TCERG1L: variants seen among roughly 807,000 people sequenced by gnomAD.
TCERG1L encodes the protein transcription elongation regulator 1-like protein.
A neutral mutation model predicts 56.3 loss-of-function variants in TCERG1L; 37 were observed. The ratio of observed to expected loss-of-function variants is 0.66; its 90% CI spans 0.51 to 0.87. TCERG1L has a LOEUF of 0.87. Among genes scored for constraint, TCERG1L ranks in the 40% least tolerant of loss-of-function variants. TCERG1L has a pLI of 0.00. For synonymous variants in TCERG1L, 324 were observed against 326.3 expected, an observed-to-expected ratio of 0.99 and a Z score of 0.08; for missense variants, 799 against 774.2, an observed-to-expected ratio of 1.03 and a Z score of -0.38.
At chr10:131,148,688 A>ATCACGGGCTGGAGAAAGGAT (rs1845829992) in intron 6 of TCERG1L, among the ~76,000 whole-genome samples, 1 of 152,178 alleles carries the variant, frequency 6.6e-6, no homozygotes, top group Admixed American at 6.5e-5. Flanking sequence ...GGAGAAAGGA[A>ATCACGGGCTGGAGAAAGGAT]TCACGAGCTC....
intron 9 of TCERG1L, among the ~76,000 whole-genome samples, 180 bp from the exon 10 acceptor site, chr10:131,104,534 C>A (rs891256295): frequency 6.6e-6 from 1 of 152,186 alleles, no homozygotes; most frequent in African/African-American, 2.4e-5. Context: ...AAAACCAATA[C>A]TAGAACATCA....
At chr10:131,204,355 C>G (rs556252425) in intron 4 of TCERG1L, among the ~76,000 whole-genome samples, 39 of 152,344 alleles carry the variant, frequency 2.6e-4, no homozygotes, top group African/African-American at 9.4e-4. Flanking sequence ...AGTGGGCTGG[C>G]CCGATGGCCC....
At chr10:131,241,632 T>C (rs1210736603) in intron 4 of TCERG1L, among the ~76,000 whole-genome samples, 2 of 149,584 alleles carry the variant, frequency 1.3e-5, no homozygotes, top group Non-Finnish European at 3.0e-5. Context: ...ACACAGTGGA[T>C]AGCGCAATAT....
At chr10:131,151,363 T>C (rs1845864590) in intron 6 of TCERG1L, among the ~76,000 whole-genome samples, 1 of 151,256 alleles carries the variant, frequency 6.6e-6, no homozygotes, top group South Asian at 2.1e-4. Flanking sequence ...CCATACTAAA[T>C]GGGAGAAATT....
At chr10:131,152,669 C>T (rs1845878351) in intron 6 of TCERG1L, among the ~76,000 whole-genome samples, 1 of 152,214 alleles carries the variant, frequency 6.6e-6, no homozygotes, top group African/African-American at 2.4e-5. Context: ...TATAGCAGCA[C>T]CCCACTCCTG....
intron 8 of TCERG1L, among the ~76,000 whole-genome samples, chr10:131,131,869 A>C (rs751270561): frequency 3.9e-5 from 6 of 152,236 alleles, no homozygotes; most frequent in Admixed American, 6.5e-5. Context: ...GCGCAGGTCC[A>C]AATGAACAGA....
intron 4 of TCERG1L, among the ~76,000 whole-genome samples, chr10:131,197,867 T>A (rs115801462): frequency 3.9e-5 from 6 of 152,174 alleles, no homozygotes; most frequent in Non-Finnish European, 7.3e-5. Context: ...ATCGAGGAAA[T>A]TGGCATAATC....
chr10:131,142,793 C>T (rs1845752937), intron 7 of TCERG1L, among the ~76,000 whole-genome samples: 3 of 152,166 alleles, frequency 2.0e-5, no homozygotes, highest in African/African-American at 7.2e-5. Context: ...AGATTCATGC[C>T]CCCCACCATT....
chr10:131,124,114 C>G (rs1933374605), intron 8 of TCERG1L, among the ~76,000 whole-genome samples: 1 of 152,152 alleles, frequency 6.6e-6, no homozygotes, highest in Admixed American at 6.5e-5. Flanking sequence ...GCTGATGCTA[C>G]AAGATGATGC....
intron 4 of TCERG1L, among the ~76,000 whole-genome samples, chr10:131,256,594 G>A (rs1412027886): frequency 6.6e-6 from 1 of 152,080 alleles, no homozygotes; most frequent in African/African-American, 2.4e-5. Flanking sequence ...CTTAAAAGAA[G>A]GATCACTTTG....
intron 4 of TCERG1L, among the ~76,000 whole-genome samples, chr10:131,192,171 C>T (rs1317563203): frequency 7.0e-6 from 1 of 142,960 alleles, no homozygotes; most frequent in Non-Finnish European, 1.5e-5. Context: ...GGAACTCAAA[C>T]CACCAAGGAA....
chr10:131,258,707 C>T (rs891140186), intron 4 of TCERG1L, among the ~76,000 whole-genome samples: 6 of 152,218 alleles, frequency 3.9e-5, no homozygotes, highest in African/African-American at 1.4e-4. Flanking sequence ...ATCTACAGGA[C>T]AGATAACGTT....
At chr10:131,245,991 G>C (rs35146954) in intron 4 of TCERG1L, among the ~76,000 whole-genome samples, 4,583 of 152,252 alleles carry the variant, frequency 0.03, 95 homozygotes, top group Middle Eastern at 0.044. Context: ...GGTAAACAGA[G>C]GCCGAGAGCC....
chr10:131,228,584 G>C (rs878951682), intron 4 of TCERG1L, among the ~76,000 whole-genome samples: 1 of 50,934 alleles, frequency 2.0e-5, no homozygotes, highest in South Asian at 9.2e-4. Flanking sequence ...CAAGGCCTCC[G>C]GAGTCTTCCC....
intron 4 of TCERG1L, among the ~76,000 whole-genome samples, chr10:131,209,327 C>T (rs550088547): frequency 8.0e-5 from 12 of 149,100 alleles, no homozygotes; most frequent in East Asian, 6.7e-4. Flanking sequence ...ACAAAGAAGC[C>T]GAAGTCTGGA....
At chr10:131,203,323 A>T (rs931186724) in intron 4 of TCERG1L, among the ~76,000 whole-genome samples, 5 of 151,974 alleles carry the variant, frequency 3.3e-5, no homozygotes, top group Middle Eastern at 3.4e-3. Flanking sequence ...TCAAAAAAAA[A>T]AAGACTTCCA....
chr10:131,200,351 C>T (rs577410319), intron 4 of TCERG1L, among the ~76,000 whole-genome samples: 1 of 152,300 alleles, frequency 6.6e-6, no homozygotes, highest in Non-Finnish European at 1.5e-5. Flanking sequence ...AAGTTCCTGG[C>T]CACTCCACCC....
intron 8 of TCERG1L, among the ~76,000 whole-genome samples, chr10:131,123,916 TG>T (rs36113879): frequency 0.18 from 27,719 of 152,056 alleles, 3,030 homozygotes; most frequent in Admixed American, 0.26. Context: ...ATTTCCTTGG[TG>T]GATTTTTGAA....
chr10:131,131,472 G>A (rs755393063), intron 8 of TCERG1L, among the ~76,000 whole-genome samples: 19 of 152,134 alleles, frequency 1.2e-4, no homozygotes, highest in Non-Finnish European at 2.6e-4. Flanking sequence ...AAGATGCATC[G>A]TCTTCGCCAA....
Sources: allele counts gnomAD v4.1 joint callset (sites outside exome capture counted in the v4.1 genomes callset), GRCh38; gene constraint gnomAD v4.1.1; transcripts MANE v1.5; gene names NCBI Gene and HGNC (gene_info 2026-07-23, HGNC 2026-07-21).